UBR3: variants seen among roughly 807,000 people sequenced by gnomAD.
UBR3 encodes the protein E3 ubiquitin-protein ligase UBR3.
A neutral mutation model predicts 243.2 loss-of-function variants in UBR3; 85 were observed. The ratio of observed to expected loss-of-function variants is 0.35; its 90% CI spans 0.29 to 0.42. The LOEUF (loss-of-function observed/expected upper bound fraction) is 0.42, where lower values mean the gene tolerates loss of function less well. Ranked by LOEUF, UBR3 falls within the 10% of genes least tolerant of loss-of-function variation. The pLI is 1.00. For missense variants in UBR3, 1,686 were observed against 2,300.8 expected (o/e 0.73, Z 5.47); for synonymous variants, 748 against 799.8 (o/e 0.94, Z 1.09).
In UBR3 at chr2:169,928,762, T is replaced by C; in HGVS notation, c.2460T>C (p.Ile820=). The C allele has an allele frequency of 6.6e-7, 1 of 1,504,438 alleles. No individual in the cohort carries two copies. The allele number at this position is 1,504,438 out of a possible 1,614,324, so 93.2% of individuals were successfully genotyped here. ...PENPNPKSGI[I]PGSYSFESVL... ...ATCCTAATCCCAAAAGTGGCATTAT[T>C]CCAGGCAGTTACAGCTTTGAATCAG... is the stretch of plus-strand genomic sequence containing the variant. The change falls in exon 18 of 39, where the codon ATT becomes ATC. Residue 820 remains isoleucine, a synonymous_variant. Coordinates refer to ENST00000272793, the MANE Select transcript of UBR3 (RefSeq NM_172070.4).
chr2:169,903,285 A>T (rs146672593), intron 8 of UBR3, among the ~76,000 whole-genome samples: 13 of 152,296 alleles, frequency 8.5e-5, no homozygotes, highest in Admixed American at 8.5e-4. Flanking sequence ...AGTGAGTTTG[A>T]TTAATTATAT....
Position 169,991,727 on chromosome 2 carries a change from C to T in UBR3, c.3785-2596C>T, listed in dbSNP as rs181289954. On this transcript the variant is annotated intron_variant, in intron 25 of 38. Coordinates refer to ENST00000272793, the MANE Select transcript of UBR3 (RefSeq NM_172070.4). ...CTTCCCAAGTAGCTGGGACCACAGG[C>T]GCCCGCCACGATGCCTAGCTAATTT... 6.4e-3 allele frequency among the ~76,000 whole-genome samples: 978 copies of T among 152,144 alleles called. 7 individuals are homozygous for T. Among genetic ancestry groups the T allele is most frequent in the African/African-American group, 0.02 (837 of 41,480 alleles).
At chr2:169,836,091 T>TTTTG in intron 1 of UBR3, among the ~76,000 whole-genome samples, 1 of 115,856 alleles carries the variant, frequency 8.6e-6, no homozygotes, top group Admixed American at 9.1e-5. Context: ...TTTTTTTTTT[T>TTTTG]TTGAGATGGA....
chr2:169,923,765 T>A (rs1242337415), intron 11 of UBR3, among the ~76,000 whole-genome samples, 164 bp from the exon 12 acceptor site: 1 of 152,144 alleles, frequency 6.6e-6, no homozygotes, highest in Non-Finnish European at 1.5e-5. Context: ...AATGGAAAAA[T>A]TTTATCTATA....
At chr2:170,012,055 A>G (rs568428801) in intron 29 of UBR3, among the ~76,000 whole-genome samples, 4 of 152,278 alleles carry the variant, frequency 2.6e-5, no homozygotes, top group African/African-American at 9.6e-5. Context: ...AGTAACTGCA[A>G]TGTAGGTGGA....
At chr2:169,939,250 ATTAC>A (rs993127629) in intron 19 of UBR3, among the ~76,000 whole-genome samples, 242 of 145,660 alleles carry the variant, frequency 1.7e-3, no homozygotes, top group African/African-American at 6.0e-3. Context: ...TTTTTCCTCT[ATTAC>A]TTATTAACTT....
intron 29 of UBR3, chr2:170,013,890 A>G (rs1294016135): frequency 2.1e-6 from 1 of 470,194 alleles, no homozygotes; most frequent in Non-Finnish European, 4.4e-6. Context: ...TCTCATTTAT[A>G]TTCCCTTGAT....
intron 26 of UBR3, among the ~76,000 whole-genome samples, chr2:169,998,036 A>G (rs1369673660): frequency 6.6e-6 from 1 of 152,308 alleles, no homozygotes; most frequent in East Asian, 1.9e-4. Flanking sequence ...GCCACTATCA[A>G]TAATCCTGGT....
At chr2:169,994,802 G>T (rs980151149) in intron 26 of UBR3, among the ~76,000 whole-genome samples, 2 of 152,292 alleles carry the variant, frequency 1.3e-5, no homozygotes, top group South Asian at 4.1e-4. Context: ...ACTGTCAGTG[G>T]GGAATTTATG....
At position 170,081,858 on chromosome 2, in the gene UBR3, A is replaced by G. The variant is rs149384803; in HGVS notation, c.*15A>G. ...ATGGGCTGTGACTCTCCACCTCAGC[A>G]TTGCATCGTATCATCATTTTCGCTA... On this transcript the variant is annotated 3_prime_UTR_variant, in exon 39 of 39. Transcript: ENST00000272793. The G allele has an allele frequency of 9.5e-3, 13,975 of 1,467,024 alleles. 110 individuals are homozygous for G. The highest frequency in any genetic ancestry group is 0.012 in the Non-Finnish European group (12,529 of 1,081,220). 90.9% of individuals were successfully genotyped at this position (1,467,024 alleles called of 1,614,324 possible).
At chr2:169,914,015 A>G in intron 10 of UBR3, 45 bp from the exon 11 acceptor site, 10 of 883,462 alleles carry the variant, frequency 1.1e-5, no homozygotes, top group Non-Finnish European at 1.6e-5. Context: ...TTGAAAATAT[A>G]TGTTTATATA....
intron 24 of UBR3, among the ~76,000 whole-genome samples, chr2:169,967,688 C>T (rs187276916): frequency 4.1e-4 from 63 of 152,252 alleles, no homozygotes; most frequent in African/African-American, 1.5e-3. Flanking sequence ...AGAGCAGCCA[C>T]ATTGCAGGAT....
At chr2:169,997,717 GA>G (rs773771380) in intron 26 of UBR3, among the ~76,000 whole-genome samples, 2 of 152,200 alleles carry the variant, frequency 1.3e-5, no homozygotes, top group East Asian at 3.9e-4. Flanking sequence ...TCAAGTGACA[GA>G]AAAGATCTCA....
At position 170,079,924 on chromosome 2, in the gene UBR3, CAAGG is replaced by C. The variant is rs749980457; in HGVS notation, c.5311_5314del (p.Lys1771PhefsTer17). On this transcript the variant is annotated frameshift_variant, in exon 37 of 39. Transcript: ENST00000272793. LOFTEE classifies it high-confidence loss of function. The stretch of plus-strand genomic sequence containing the variant: ...ACAGAAAAACCTGTAGTGTCTGCAC[CAAGG>C]TTCCTAAAGATCCTGCTGTTTGCCT... 1 of 1,614,050 alleles carries C rather than the reference CAAGG, an allele frequency of 6.2e-7. No homozygotes were observed.
chr2:169,890,563 A>ATATATATATATATGTGTGTGTG (rs1255881148), intron 5 of UBR3, among the ~76,000 whole-genome samples: 9 of 83,876 alleles, frequency 1.1e-4, no homozygotes, highest in African/African-American at 4.1e-4. Context: ...ATATATATAT[A>ATATATATATATATGTGTGTGTG]TGTGTATATA....
Position 170,008,890 on chromosome 2 carries a change from G to A in UBR3, c.4317G>A (p.Lys1439=). ...TTQKKYRDYS[K]TPGSPDNDFL... is the part of the protein sequence containing the mutation. ...AGAAGAAATATAGAGACTATAGCAA[G>A]ACCCCGGGCTCACCAGACAATGATT... The change falls in exon 29 of 39, where the codon AAG becomes AAA. Residue 1439 remains lysine, a synonymous_variant. Coordinates refer to ENST00000272793, the MANE Select transcript of UBR3 (RefSeq NM_172070.4). 1 of 1,598,666 alleles carries A rather than the reference G, an allele frequency of 6.3e-7. No homozygotes were observed. The highest frequency in any genetic ancestry group is 8.5e-7 in the Non-Finnish European group (1 of 1,172,582).
At chr2:170,022,106 A>G (rs1379235461) in intron 30 of UBR3, among the ~76,000 whole-genome samples, 1 of 152,138 alleles carries the variant, frequency 6.6e-6, no homozygotes, top group Non-Finnish European at 1.5e-5. Flanking sequence ...TCTTCCTAGG[A>G]CTACCTATAT....
At chr2:170,011,168 G>C (rs2090071512) in intron 29 of UBR3, among the ~76,000 whole-genome samples, 1 of 151,826 alleles carries the variant, frequency 6.6e-6, no homozygotes, top group African/African-American at 2.4e-5. Context: ...GCAAAACCCT[G>C]TCTAAAGAAA....
chr2:170,070,134 A>G (rs1431331717), intron 35 of UBR3, among the ~76,000 whole-genome samples: 1 of 152,142 alleles, frequency 6.6e-6, no homozygotes, highest in African/African-American at 2.4e-5. Context: ...TATTGTAACT[A>G]ATGCTGCATT....
Sources: gnomAD v4.1 joint callset for allele counts (sites outside exome capture counted in the v4.1 genomes callset) on GRCh38, gnomAD v4.1.1 for gene constraint, MANE v1.5 for transcripts, NCBI Gene and HGNC (gene_info 2026-07-23, HGNC 2026-07-21) for gene names.